The following KHSRP variants were observed in gnomAD, a reference collection of about 807,000 sequenced individuals.
KHSRP encodes the protein KH-type splicing regulatory protein.
KHSRP carries 13 observed loss-of-function variants against 94.9 expected under a neutral mutation model. The ratio of observed to expected loss-of-function variants is 0.14; its 90% CI spans 0.09 to 0.22. The LOEUF is 0.22. Among genes scored for constraint, KHSRP ranks in the 10% least tolerant of loss-of-function variants. KHSRP has a pLI of 1.00. For synonymous variants in KHSRP, 495 were observed against 401.4 expected (o/e 1.23, Z -2.79); for missense variants, 710 against 1,010.0 (o/e 0.70, Z 4.03).
At chr19:6,421,018 G>A (rs140833478) in intron 4 of KHSRP, 519 of 515,332 alleles carry the variant, frequency 1.0e-3, no homozygotes, top group Non-Finnish European at 1.6e-3. Context: ...CCACCCCAGC[G>A]GAGGAAGCCA....
At position 6,418,483 on chromosome 19, in the gene KHSRP, C is replaced by G; in HGVS notation, c.879G>C (p.Gln293His). 1 of 1,613,100 alleles carries G rather than the reference C, an allele frequency of 6.2e-7. No homozygotes were observed. ...LRIIGDPYKVQQACEMVMDIL... is the reference protein window; with the variant it reads ...LRIIGDPYKVHQACEMVMDIL... ...CTCCACCACCCCAGGGCGTGCTCAC[C>G]TGCACTTTGTAAGGATCCCCAATGA... Residue 293 changes from glutamine to histidine, a missense_variant and splice_region_variant, in exon 9 of 19, where the codon CAG becomes CAC. Transcript: ENST00000600480. The surrounding 1 kb of genome is among the most constrained non-coding windows in gnomAD (Gnocchi z 4.3).
At position 6,413,414 on chromosome 19, in the gene KHSRP, T is replaced by C. The variant is rs1299998429; in HGVS notation, c.*1610A>G. 1.0e-5 allele frequency: 4 copies of C among 400,890 alleles called. No homozygotes were observed. In the East Asian group the frequency reaches 3.8e-4, roughly 38 times the overall value. The allele number at this position is 400,890 out of a possible 1,614,324, so 24.8% of individuals were successfully genotyped here. A position where few individuals can be genotyped will look rare whatever the true frequency, so the allele number is the denominator to read the frequency against. ...ATAAAAAGTAAAAACTGCCATACAATTTTTTTTGTTGTTCTCATTTTGTTT... is the reference window on the plus strand; with the variant it reads ...ATAAAAAGTAAAAACTGCCATACAACTTTTTTTGTTGTTCTCATTTTGTTT... On this transcript the variant is annotated 3_prime_UTR_variant, in exon 19 of 19. Coordinates refer to ENST00000600480, the MANE Select transcript of KHSRP (RefSeq NM_001366299.1).
chr19:6,413,505 G>A lies in KHSRP; in HGVS notation c.*1519C>T, dbSNP rs758511852. ...ACCAGTCCTGGGAGGGGGGACGGGC[G>A]GGGCCGCGGGAGCTGAGCCAGGGCG... On this transcript the variant is annotated 3_prime_UTR_variant, in exon 19 of 19. Transcript: ENST00000600480. 2.6e-5 allele frequency: 9 copies of A among 343,992 alleles called. No individual in the cohort carries two copies. The highest frequency in any genetic ancestry group is 2.2e-4 in the Admixed American group (7 of 31,244). 21.3% of individuals were successfully genotyped at this position (343,992 alleles called of 1,614,324 possible).
At chr19:6,420,174 G>C (rs146675757) in intron 5 of KHSRP, 30 bp from the exon 6 acceptor site, 2 of 1,587,986 alleles carry the variant, frequency 1.3e-6, no homozygotes, top group African/African-American at 2.7e-5. Flanking sequence ...GAAAAGCAAA[G>C]CGTGATGAGG....
In KHSRP at chr19:6,421,574, G is replaced by A. The variant is rs549105538; in HGVS notation, c.385+76C>T. The A allele has an allele frequency of 3.6e-5, 54 of 1,520,416 alleles. No individual in the cohort carries two copies. In the South Asian group the frequency reaches 5.4e-4, roughly 15 times the overall value. 94.2% of individuals were successfully genotyped at this position (1,520,416 alleles called of 1,614,324 possible). ...TCTGTAAAGAGCTGCCACCTCCTCA[G>A]TGCTTCCAGCTCCTGACTCCTGAAA... On this transcript the variant is annotated intron_variant, in intron 3 of 18. Transcript: ENST00000600480.
chr19:6,422,316 C>T (rs1481773004), intron 2 of KHSRP, 24 bp downstream of exon 2: 1 of 1,551,640 alleles, frequency 6.4e-7, no homozygotes, highest in Admixed American at 1.7e-5. Flanking sequence ...TCCTCCTAAG[C>T]TAAAGGCAGC....
Position 6,418,047 on chromosome 19 carries a change from C to G in KHSRP, c.912G>C (p.Arg304=). 1.9e-6 allele frequency: 3 copies of G among 1,613,986 alleles called. No individual in the cohort carries two copies. Among genetic ancestry groups the G allele is most frequent in the Non-Finnish European group, 2.5e-6 (3 of 1,179,878 alleles). ...QACEMVMDIL[R]ERDQGGFGDR... is the part of the protein sequence containing the mutation. ...CCCCAAAGCCGCCTTGGTCACGTTC[C>G]CGGAGGATGTCCATCACCATCTCAC... The change falls in exon 10 of 19, where the codon CGG becomes CGC. Residue 304 remains arginine, a synonymous_variant. Transcript: ENST00000600480. The surrounding 1 kb of genome is among the most constrained non-coding windows in gnomAD (Gnocchi z 4.3).
Position 6,414,056 on chromosome 19 carries a change from A to G in KHSRP, c.*968T>C. ...AACAAAACAGAAGCCCCCAAACAGA[A>G]CAAAATGGAAAAAAAAAAGATTTTT... is the stretch of plus-strand genomic sequence containing the variant. On this transcript the variant is annotated 3_prime_UTR_variant, in exon 19 of 19. Coordinates refer to ENST00000600480, the MANE Select transcript of KHSRP (RefSeq NM_001366299.1). 1 of 1,586,422 alleles carries G rather than the reference A, an allele frequency of 6.3e-7. No homozygotes were observed. Among genetic ancestry groups the G allele is most frequent in the Non-Finnish European group, 8.6e-7 (1 of 1,167,484 alleles).
Position 6,415,268 on chromosome 19 carries a change from G to A in KHSRP, c.2000C>T (p.Pro667Leu). The A allele has an allele frequency of 6.2e-7, 1 of 1,612,972 alleles. No individual in the cohort carries two copies. Among genetic ancestry groups the A allele is most frequent in the Non-Finnish European group, 8.5e-7 (1 of 1,179,842 alleles). The part of the protein sequence containing the change: ...QVATGGGPGA[P>L]PGSQPDYSAA... ...ACTGTAGTCTGGCTGGGAGCCTGGG[G>A]GAGCTCCTGGACCCCCTCCGGTGGC... Residue 667 changes from proline (P) to leucine (L), a missense_variant, in exon 19 of 19, where the codon CCC becomes CTC. Around this residue, in one of 5 missense-constraint regions of KHSRP, gnomAD observed 292 missense variants for 340.5 expected, o/e 0.86. Coordinates refer to ENST00000600480, the MANE Select transcript of KHSRP (RefSeq NM_001366299.1).
chr19:6,422,159 C>T (rs2092198941), intron 2 of KHSRP, among the ~76,000 whole-genome samples, 181 bp downstream of exon 2: 1 of 152,234 alleles, frequency 6.6e-6, no homozygotes, highest in Non-Finnish European at 1.5e-5. Flanking sequence ...GCCCTCCTCT[C>T]TGCCACCTGA....
intron 4 of KHSRP, 94 bp from the exon 5 acceptor site, chr19:6,420,565 T>C: frequency 8.7e-7 from 1 of 1,152,978 alleles, no homozygotes; most frequent in African/African-American, 1.5e-5. Flanking sequence ...CCACCATAGG[T>C]CTAAGCAGAG....
At position 6,414,448 on chromosome 19, in the gene KHSRP, G is replaced by GAACAATCC; in HGVS notation, c.*568_*575dup. ...GGCTCCCGGCGCAGCACGACGACAT[G>GAACAATCC]AACAATCCAGAGATCATGGTGTCCC... On this transcript the variant is annotated 3_prime_UTR_variant, in exon 19 of 19. Coordinates refer to ENST00000600480, the MANE Select transcript of KHSRP (RefSeq NM_001366299.1). The GAACAATCC allele has an allele frequency of 8.3e-7, 1 of 1,199,792 alleles. No homozygotes were observed. Among genetic ancestry groups the GAACAATCC allele is most frequent in the Non-Finnish European group, 1.0e-6 (1 of 963,262 alleles). The allele number at this position is 1,199,792 out of a possible 1,614,324, so 74.3% of individuals were successfully genotyped here.
chr19:6,414,418 G>C lies in KHSRP; in HGVS notation c.*606C>G. The C allele has an allele frequency of 3.9e-6, 5 of 1,273,562 alleles. No individual in the cohort carries two copies. Among genetic ancestry groups the C allele is most frequent in the Non-Finnish European group, 5.0e-6 (5 of 1,008,428 alleles). The allele number at this position is 1,273,562 out of a possible 1,614,324, so 78.9% of individuals were successfully genotyped here. On this transcript the variant is annotated 3_prime_UTR_variant, in exon 19 of 19. Coordinates refer to ENST00000600480, the MANE Select transcript of KHSRP (RefSeq NM_001366299.1). Reference sequence around the variant, plus strand: ...AGGGGAGCTGCCCTGTCTCCGGAGGGCGGTGGCTCCCGGCGCAGCACGACG... The same window carrying C: ...AGGGGAGCTGCCCTGTCTCCGGAGGCCGGTGGCTCCCGGCGCAGCACGACG...
chr19:6,420,325 G>T, intron 5 of KHSRP, 97 bp downstream of exon 5: 1 of 1,263,752 alleles, frequency 7.9e-7, no homozygotes, highest in Non-Finnish European at 1.1e-6. Flanking sequence ...GCACATAGGA[G>T]CCCTCTCAGA....
Position 6,415,829 on chromosome 19 carries a change from G to C in KHSRP, c.1666C>G (p.Pro556Ala). 4 of 1,574,358 alleles carry C rather than the reference G, an allele frequency of 2.5e-6. No individual in the cohort carries two copies. The highest frequency in any genetic ancestry group is 3.4e-6 in the Non-Finnish European group (4 of 1,160,898). Residue 556 changes from proline to alanine, a missense_variant, in exon 16 of 19, where the codon CCG becomes GCG. Coordinates refer to ENST00000600480, the MANE Select transcript of KHSRP (RefSeq NM_001366299.1). ...GWGNTYPQWQ[P>A]PAPHDPSKAA... ...TTACTTGGGTCATGAGGAGCAGGCG[G>C]CTGCCACTGGGGGTAGGTATTGCCC... is the stretch of plus-strand genomic sequence containing the variant.
chr19:6,418,913 C>A lies in KHSRP; in HGVS notation c.606-37G>T. On this transcript the variant is annotated intron_variant, in intron 7 of 18. Coordinates refer to ENST00000600480, the MANE Select transcript of KHSRP (RefSeq NM_001366299.1). The surrounding 1 kb of genome is among the most constrained non-coding windows in gnomAD (Gnocchi z 4.3). The stretch of plus-strand genomic sequence containing the variant: ...AGGAGCGGGGGATGAGCGGGTGCCA[C>A]CGCTGGAGAAAGGTACTGGTCTGGT... 2 of 1,511,444 alleles carry A rather than the reference C, an allele frequency of 1.3e-6. No individual in the cohort carries two copies. The highest frequency in any genetic ancestry group is 1.8e-6 in the Non-Finnish European group (2 of 1,136,994). The allele number at this position is 1,511,444 out of a possible 1,614,324, so 93.6% of individuals were successfully genotyped here.
At chr19:6,416,692 C>G (rs766724987) in intron 13 of KHSRP, 42 bp from the exon 14 acceptor site, 2 of 1,612,828 alleles carry the variant, frequency 1.2e-6, no homozygotes, top group Admixed American at 3.3e-5. Flanking sequence ...CAGTGATGGC[C>G]CAGGGAAGAG....
rs1177601262 is a variant in KHSRP, at chr19:6,415,393, G to A, written c.1953C>T (p.Tyr651=). Residue 651 remains tyrosine (Y), a synonymous_variant, in exon 18 of 19, where the codon TAC becomes TAT. Coordinates refer to ENST00000600480, the MANE Select transcript of KHSRP (RefSeq NM_001366299.1). The part of the protein sequence containing the change: ...QQDYTKAWEE[Y]YKKQAQVATG... ...GTGGCCACTCACCTTGCTTCTTGTA[G>A]TACTCCTCCCAAGCCTTCGTGTAGT... 2 of 1,600,510 alleles carry A rather than the reference G, an allele frequency of 1.2e-6. No individual in the cohort carries two copies. The highest frequency in any genetic ancestry group is 1.3e-5 in the African/African-American group (1 of 74,832).
At chr19:6,417,363 G>A (rs2092155780) in intron 11 of KHSRP, among the ~76,000 whole-genome samples, 1 of 152,220 alleles carries the variant, frequency 6.6e-6, no homozygotes, top group Admixed American at 6.5e-5. Context: ...TCTCTGAAAA[G>A]CCAGAGGGGC....
Sources: allele counts gnomAD v4.1 joint callset (sites outside exome capture counted in the v4.1 genomes callset), GRCh38; gene constraint gnomAD v4.1.1; regional missense constraint gnomAD v4.1.1; non-coding constraint Gnocchi (gnomAD v3.1); transcripts MANE v1.5; gene names NCBI Gene and HGNC (gene_info 2026-07-23, HGNC 2026-07-21).